ADAMTS17: variants seen among roughly 807,000 people sequenced by gnomAD.
ADAMTS17 encodes A disintegrin and metalloproteinase with thrombospondin motifs 17.
In ADAMTS17, 113 loss-of-function variants were observed where a neutral mutation model predicts 141.5. The observed-to-expected ratio is 0.80, with a 90% CI of 0.69 to 0.93. The LOEUF is 0.93. Among genes scored for constraint, ADAMTS17 ranks in the 40% least tolerant of loss-of-function variants. The pLI is 0.00. For missense variants in ADAMTS17, 1,659 were observed against 1,517.9 expected, an observed-to-expected ratio of 1.09 and a Z score of -1.54; for synonymous variants, 768 against 630.6, an observed-to-expected ratio of 1.22 and a Z score of -3.27.
intron 8 of ADAMTS17, among the ~76,000 whole-genome samples, chr15:100,156,135 G>A (rs543439009): frequency 1.3e-5 from 2 of 152,332 alleles, no homozygotes; most frequent in South Asian, 4.1e-4. Flanking sequence ...CCAGGTAACG[G>A]ACCACAAGGA....
intron 3 of ADAMTS17, chr15:100,306,217 G>T: frequency 3.2e-6 from 1 of 309,946 alleles, no homozygotes; most frequent in Non-Finnish European, 6.4e-6. Flanking sequence ...CAAATTCTTT[G>T]ACATTGAGCG....
In ADAMTS17 at chr15:100,341,063, G is replaced by A. The variant is rs1330264957; in HGVS notation, c.426C>T (p.Ser142=). ...CCAGGCCGCCGGCGGCGCCGCAGGC[G>A]CTGAGCGAGACGAGGGAGCCGGGGT... is the stretch of plus-strand genomic sequence containing the variant. ...LGHPGSLVSL[S]ACGAAGGLVG... Residue 142 remains serine (S), a synonymous_variant, in exon 2 of 22, where the codon AGC becomes AGT. Transcript: ENST00000268070. 8 of 1,523,216 alleles carry A rather than the reference G, an allele frequency of 5.3e-6. No homozygotes were observed. Among genetic ancestry groups the A allele is most frequent in the Non-Finnish European group, 7.0e-6 (8 of 1,140,440 alleles). The allele number at this position is 1,523,216 out of a possible 1,614,324, so 94.4% of individuals were successfully genotyped here.
intron 13 of ADAMTS17, 22 bp downstream of exon 13, chr15:100,116,825 A>C: frequency 6.2e-7 from 1 of 1,613,982 alleles, no homozygotes. Flanking sequence ...CTGCCATGCA[A>C]GGACATGCCA....
At chr15:100,103,716 T>C (rs1411557777) in intron 14 of ADAMTS17, among the ~76,000 whole-genome samples, 3 of 152,174 alleles carry the variant, frequency 2.0e-5, no homozygotes, top group Non-Finnish European at 4.4e-5. Context: ...GCTGGAATTA[T>C]GGGCATGCAC....
rs1039395721 is a variant in ADAMTS17 at position 99,993,464 on chromosome 15, G to T, written c.2797-264C>A. On this transcript the variant is annotated intron_variant, in intron 19 of 21. Transcript: ENST00000268070. This position sits in a 1 kb window ranked among gnomAD's most constrained non-coding sequence, Gnocchi z 4.3. ...TGGGGTACTCATAAGGTCACATGAG[G>T]GGAGTGGAATTCAGTGGCCACTTGT... Among the ~76,000 whole-genome samples, 33 of 152,178 alleles carry T rather than the reference G, an allele frequency of 2.2e-4. No individual in the cohort carries two copies. The highest frequency in any genetic ancestry group is 8.0e-4 in the African/African-American group (33 of 41,442).
At chr15:100,294,366 G>A (rs2044738155) in intron 3 of ADAMTS17, among the ~76,000 whole-genome samples, 1 of 152,070 alleles carries the variant, frequency 6.6e-6, no homozygotes. Context: ...TTCCTACTCT[G>A]CAGGAGGCAT....
intron 18 of ADAMTS17, among the ~76,000 whole-genome samples, chr15:100,015,400 G>T (rs777148134): frequency 6.6e-6 from 1 of 151,356 alleles, no homozygotes; most frequent in Non-Finnish European, 1.5e-5. Flanking sequence ...TGTTGCCTGT[G>T]TACCTTGCTT....
intron 4 of ADAMTS17, among the ~76,000 whole-genome samples, chr15:100,278,343 A>C (rs968700823): frequency 4.0e-5 from 6 of 148,640 alleles, no homozygotes; most frequent in South Asian, 2.1e-4. Context: ...AAAAAAAAAA[A>C]CCCAGAAAAA....
intron 17 of ADAMTS17, among the ~76,000 whole-genome samples, chr15:100,050,452 G>A (rs1287811749): frequency 6.6e-6 from 1 of 152,188 alleles, no homozygotes; most frequent in Non-Finnish European, 1.5e-5. Context: ...GTGCAGAGTG[G>A]AGGATGCAGG....
intron 8 of ADAMTS17, among the ~76,000 whole-genome samples, chr15:100,160,562 TGAG>T (rs886712818): frequency 4.6e-5 from 7 of 152,350 alleles, no homozygotes; most frequent in Non-Finnish European, 7.4e-5. Context: ...ACCTGGTGAT[TGAG>T]GAGACACACA....
At chr15:100,115,578 G>C (rs1448048158) in intron 13 of ADAMTS17, among the ~76,000 whole-genome samples, 1 of 152,180 alleles carries the variant, frequency 6.6e-6, no homozygotes, top group Non-Finnish European at 1.5e-5. Flanking sequence ...GGATGGGTCA[G>C]GCTGTTAGAC....
At chr15:100,286,221 G>A (rs538912324) in intron 3 of ADAMTS17, among the ~76,000 whole-genome samples, 5 of 152,184 alleles carry the variant, frequency 3.3e-5, no homozygotes, top group African/African-American at 9.6e-5. Flanking sequence ...CTCCCTCCCC[G>A]CAAAACGTGA....
At chr15:99,991,818 T>C (rs2060696357) in intron 20 of ADAMTS17, among the ~76,000 whole-genome samples, 2 of 152,152 alleles carry the variant, frequency 1.3e-5, no homozygotes, top group South Asian at 4.1e-4. Flanking sequence ...GTGGCACATA[T>C]ATACCACGGA....
chr15:99,973,494 G>A lies in ADAMTS17; in HGVS notation c.*908C>T, dbSNP rs1004326206. On this transcript the variant is annotated 3_prime_UTR_variant, in exon 22 of 22. Coordinates refer to ENST00000268070, the MANE Select transcript of ADAMTS17 (RefSeq NM_139057.4). ...AGCATCTCTAAGGTACAAAGCTTTA[G>A]GAAGTGCAGGCCAGAGTGGATGTTC... The A allele has an allele frequency of 6.6e-6, 1 of 152,270 alleles. No individual in the cohort carries two copies. Among genetic ancestry groups the A allele is most frequent in the East Asian group, 1.9e-4 (1 of 5,192 alleles). The allele number at this position is 152,270 out of a possible 1,614,324, so 9.4% of individuals were successfully genotyped here.
chr15:100,190,694 G>A (rs546301260), intron 8 of ADAMTS17, among the ~76,000 whole-genome samples: 1 of 152,336 alleles, frequency 6.6e-6, no homozygotes, highest in East Asian at 1.9e-4. Flanking sequence ...TTTCAGGCAG[G>A]AAACCAAACA....
intron 19 of ADAMTS17, among the ~76,000 whole-genome samples, chr15:99,994,551 T>C (rs772650205): frequency 1.3e-5 from 2 of 152,196 alleles, no homozygotes; most frequent in East Asian, 1.9e-4. Context: ...TCCCAAGATA[T>C]GATCTAGCTT....
chr15:100,207,478 C>T (rs79790072), intron 7 of ADAMTS17, among the ~76,000 whole-genome samples: 4,636 of 152,240 alleles, frequency 0.03, 92 homozygotes, highest in Non-Finnish European at 0.05. Context: ...ACGAGCATGG[C>T]GGCCACCGGA....
Position 100,062,214 on chromosome 15 carries a change from G to A in ADAMTS17, c.2138-8160C>T, listed in dbSNP as rs1467104756. ...CATGGGGCTGATGAAAATGCACATG[G>A]ATGTCAACTCCAGGGATGTCAAGGT... On this transcript the variant is annotated intron_variant, in intron 15 of 21. Transcript: ENST00000268070. Among the ~76,000 whole-genome samples the A allele has an allele frequency of 2.6e-5, 4 of 152,314 alleles. No individual in the cohort carries two copies. In the East Asian group the frequency reaches 5.8e-4, roughly 22 times the overall value.
chr15:99,999,454 C>T (rs184634547), intron 18 of ADAMTS17, among the ~76,000 whole-genome samples: 79 of 151,986 alleles, frequency 5.2e-4, no homozygotes, highest in African/African-American at 1.4e-3. Context: ...CCCGTGACTA[C>T]GTGGGAAAAG....
Sources: gnomAD v4.1 joint callset for allele counts (sites outside exome capture counted in the v4.1 genomes callset) on GRCh38, gnomAD v4.1.1 for gene constraint, Gnocchi (gnomAD v3.1) non-coding constraint, MANE v1.5 for transcripts, NCBI Gene and HGNC (gene_info 2026-07-23, HGNC 2026-07-21) for gene names.